The following POLR2I variants were observed in gnomAD, a reference collection of about 807,000 sequenced individuals.
POLR2I encodes the protein DNA-directed RNA polymerase II subunit RPB9.
In POLR2I, 15 loss-of-function variants were observed where a neutral mutation model predicts 23.0. The observed-to-expected ratio is 0.65, with a 90% CI of 0.44 to 1.00. The LOEUF (loss-of-function observed/expected upper bound fraction) is 1.00, where lower values mean the gene tolerates loss of function less well. Among genes scored for constraint, POLR2I ranks in the 50% least tolerant of loss-of-function variants. The pLI, the probability that POLR2I is intolerant of heterozygous loss-of-function variation, is 0.00. For missense variants in POLR2I, 120 were observed against 173.7 expected, an observed-to-expected ratio of 0.69 and a Z score of 1.74; for synonymous variants, 72 against 65.4, an observed-to-expected ratio of 1.10 and a Z score of -0.49.
In POLR2I at chr19:36,114,214, G is replaced by A. The variant is rs769646346; in HGVS notation, c.226C>T (p.Pro76Ser). The change falls in exon 4 of 6, where the codon CCC (proline) becomes TCC (serine). Residue 76 changes from proline (P) to serine (S), a missense_variant. Pro to Ser is a moderately conservative substitution (Grantham distance 74, BLOSUM62 -1). Transcript: ENST00000221859. The surrounding 1 kb of genome is among the most constrained non-coding windows in gnomAD (Gnocchi z 4.5). ...TGGTCCTCGGTCCGCGGCAACGTGG[G>A]GTCCTGGGACACGTCGGCGATAATC... ...TQIIADVSQDPTLPRTEDHPC... is the reference protein window; with the variant it reads ...TQIIADVSQDSTLPRTEDHPC... The A allele has an allele frequency of 4.2e-5, 68 of 1,613,938 alleles. No individual in the cohort carries two copies. Among genetic ancestry groups the A allele is most frequent in the Non-Finnish European group, 5.4e-5 (64 of 1,180,000 alleles).
At position 36,114,080 on chromosome 19, in the gene POLR2I, G is replaced by A. The variant is rs199564247; in HGVS notation, c.264-14C>T. 1,057 of 1,613,942 alleles carry A rather than the reference G, an allele frequency of 6.5e-4. No individual in the cohort carries two copies. Among genetic ancestry groups the A allele is most frequent in the Admixed American group, 1.3e-3 (77 of 60,002 alleles). ...TTGTGGCCGCACCTGAGAGGGTAGG[G>A]GCTCGGTCACCGGAGGCTTCACACC... is the stretch of plus-strand genomic sequence containing the variant. On this transcript the variant is annotated splice_polypyrimidine_tract_variant and intron_variant, in intron 4 of 5. Transcript: ENST00000221859. This position sits in a 1 kb window ranked among gnomAD's most constrained non-coding sequence, Gnocchi z 4.5.
Position 36,114,184 on chromosome 19 carries a change from A to G in POLR2I, c.256T>C (p.Cys86Arg). 1.2e-6 allele frequency: 2 copies of G among 1,614,042 alleles called. No homozygotes were observed. Among genetic ancestry groups the G allele is most frequent in the Non-Finnish European group, 1.7e-6 (2 of 1,179,994 alleles). Reference sequence around the variant, plus strand: ...TACCAGCTGAACGCTCACTTTTGGCACGGGTGGTCCTCGGTCCGCGGCAAC... The same window carrying G: ...TACCAGCTGAACGCTCACTTTTGGCGCGGGTGGTCCTCGGTCCGCGGCAAC... The part of the protein sequence containing the change: ...PTLPRTEDHP[C>R]QKCGHKEAVF... Residue 86 changes from cysteine (C) to arginine (R), a missense_variant, in exon 4 of 6, where the codon TGC becomes CGC. Physicochemically the swap from Cys to Arg is radical, Grantham distance 180. Transcript: ENST00000221859. The surrounding 1 kb of genome is among the most constrained non-coding windows in gnomAD (Gnocchi z 4.5).
Position 36,114,307 on chromosome 19 carries a change from C to G in POLR2I, c.188+32G>C. 1.2e-6 allele frequency: 2 copies of G among 1,612,588 alleles called. No homozygotes were observed. The highest frequency in any genetic ancestry group is 2.2e-5 in the East Asian group (1 of 44,826). On this transcript the variant is annotated intron_variant, in intron 3 of 5. Coordinates refer to ENST00000221859, the MANE Select transcript of POLR2I (RefSeq NM_006233.5). This position sits in a 1 kb window ranked among gnomAD's most constrained non-coding sequence, Gnocchi z 4.5. ...TCAGACCCAGCCTCCAGAGCCAACA[C>G]CCCCGCCCCCAGCTCAGGGCCCGCC... is the stretch of plus-strand genomic sequence containing the variant.
rs1181821475 is a variant in POLR2I, at chr19:36,114,156, C to T, written c.263+21G>A. The T allele has an allele frequency of 6.2e-7, 1 of 1,614,070 alleles. No individual in the cohort carries two copies. Among genetic ancestry groups the T allele is most frequent in the Non-Finnish European group, 8.5e-7 (1 of 1,179,930 alleles). ...GGAGACGAGCCTCACTTTACCTCCC[C>T]AGTACCAGCTGAACGCTCACTTTTG... On this transcript the variant is annotated intron_variant, in intron 4 of 5. Transcript: ENST00000221859. This position sits in a 1 kb window ranked among gnomAD's most constrained non-coding sequence, Gnocchi z 4.5.
rs767086932 is a variant in POLR2I at position 36,114,865 on chromosome 19, G to C, written c.-9C>G. The C allele has an allele frequency of 6.2e-7, 1 of 1,612,396 alleles. No homozygotes were observed. The highest frequency in any genetic ancestry group is 8.5e-7 in the Non-Finnish European group (1 of 1,179,580). On this transcript the variant is annotated 5_prime_UTR_variant, in exon 1 of 6. Coordinates refer to ENST00000221859, the MANE Select transcript of POLR2I (RefSeq NM_006233.5). The surrounding 1 kb of genome is among the most constrained non-coding windows in gnomAD (Gnocchi z 4.5). Reference sequence around the variant, plus strand: ...GTCCCGTCGGGCTCCATGGCGACGCGCAGCCCGCGCAGCCCTCCCAGCCTT... The same window carrying C: ...GTCCCGTCGGGCTCCATGGCGACGCCCAGCCCGCGCAGCCCTCCCAGCCTT...
rs113237625 is a variant in POLR2I, at chr19:36,114,658, C to T, written c.114+1G>A. Reference sequence around the variant, plus strand: ...CTGCCGGGGAAGACCCCGGCGCTCACCGCGTAGAGCAGAATGCGGTTCTCC... The same window carrying T: ...CTGCCGGGGAAGACCCCGGCGCTCATCGCGTAGAGCAGAATGCGGTTCTCC... On this transcript the variant is annotated splice_donor_variant, in intron 2 of 5. Transcript: ENST00000221859. LOFTEE classifies it high-confidence loss of function. This position sits in a 1 kb window ranked among gnomAD's most constrained non-coding sequence, Gnocchi z 4.5. 2 of 1,605,506 alleles carry T rather than the reference C, an allele frequency of 1.2e-6. No homozygotes were observed. Among genetic ancestry groups the T allele is most frequent in the Non-Finnish European group, 1.7e-6 (2 of 1,173,186 alleles).
chr19:36,113,947 T>G, intron 5 of POLR2I, 68 bp downstream of exon 5: 1 of 1,589,598 alleles, frequency 6.3e-7, no homozygotes, highest in Non-Finnish European at 8.6e-7. Context: ...GTCACCCACA[T>G]TGATATCCCC....
chr19:36,113,973 C>G, intron 5 of POLR2I, 42 bp downstream of exon 5: 4 of 1,609,494 alleles, frequency 2.5e-6, no homozygotes, highest in Non-Finnish European at 2.6e-6. Flanking sequence ...CAGAAAGGAC[C>G]AAACAAGCCC....
rs375775148 is a variant in POLR2I at position 36,114,737 on chromosome 19, G to A, written c.60-24C>T. 22 of 1,613,458 alleles carry A rather than the reference G, an allele frequency of 1.4e-5. No individual in the cohort carries two copies. The highest frequency in any genetic ancestry group is 1.9e-5 in the Non-Finnish European group (22 of 1,179,508). ...TACTGTGGGGAGGGGGAGGTGCCAGGGGTTAGTTCTGGAGCCATTCCTCGC... is the reference window on the plus strand; with the variant it reads ...TACTGTGGGGAGGGGGAGGTGCCAGAGGTTAGTTCTGGAGCCATTCCTCGC... On this transcript the variant is annotated intron_variant, in intron 1 of 5. Coordinates refer to ENST00000221859, the MANE Select transcript of POLR2I (RefSeq NM_006233.5). This position sits in a 1 kb window ranked among gnomAD's most constrained non-coding sequence, Gnocchi z 4.5.
Position 36,114,347 on chromosome 19 carries a change from G to C in POLR2I, c.180C>G (p.His60Gln). 6.2e-7 allele frequency: 1 copy of C among 1,614,012 alleles called. No individual in the cohort carries two copies. The highest frequency in any genetic ancestry group is 8.5e-7 in the Non-Finnish European group (1 of 1,179,916). The change falls in exon 3 of 6, where the codon CAC (histidine) becomes CAG (glutamine). Residue 60 changes from histidine (H) to glutamine (Q), a missense_variant. Physicochemically the swap from His to Gln is conservative, Grantham distance 24. Coordinates refer to ENST00000221859, the MANE Select transcript of POLR2I (RefSeq NM_006233.5). This position sits in a 1 kb window ranked among gnomAD's most constrained non-coding sequence, Gnocchi z 4.5. ...NSCIYVNKIT[H>Q]EVDELTQIIA... ...CAGGGCCCGCCACTCACTCCACTTC[G>C]TGCGTGATCTTGTTGACATAGATGC...
chr19:36,114,347 G>A lies in POLR2I; in HGVS notation c.180C>T (p.His60=), dbSNP rs146133484. The change falls in exon 3 of 6, where the codon CAC becomes CAT. Residue 60 remains histidine (H), a synonymous_variant. Coordinates refer to ENST00000221859, the MANE Select transcript of POLR2I (RefSeq NM_006233.5). This position sits in a 1 kb window ranked among gnomAD's most constrained non-coding sequence, Gnocchi z 4.5. ...CAGGGCCCGCCACTCACTCCACTTC[G>A]TGCGTGATCTTGTTGACATAGATGC... is the stretch of plus-strand genomic sequence containing the variant. ...NSCIYVNKIT[H]EVDELTQIIA... 13 of 1,613,894 alleles carry A rather than the reference G, an allele frequency of 8.1e-6. No homozygotes were observed. Among genetic ancestry groups the A allele is most frequent in the Non-Finnish European group, 6.8e-6 (8 of 1,179,924 alleles).
At position 36,114,435 on chromosome 19, in the gene POLR2I, G is replaced by A. The variant is rs944757532; in HGVS notation, c.115-23C>T. 1.2e-6 allele frequency: 2 copies of A among 1,609,086 alleles called. No homozygotes were observed. Among genetic ancestry groups the A allele is most frequent in the South Asian group, 2.2e-5 (2 of 90,972 alleles). Reference sequence around the variant, plus strand: ...GCACTACGAGAGGGCGAGTGTGGGGGAAAGGGGGTCACGGAAGGATTCCAG... The same window carrying A: ...GCACTACGAGAGGGCGAGTGTGGGGAAAAGGGGGTCACGGAAGGATTCCAG... On this transcript the variant is annotated intron_variant, in intron 2 of 5. Transcript: ENST00000221859. The surrounding 1 kb of genome is among the most constrained non-coding windows in gnomAD (Gnocchi z 4.5).
rs1599861002 is a variant in POLR2I at position 36,114,768 on chromosome 19, T to C, written c.59+30A>G. 1.2e-6 allele frequency: 2 copies of C among 1,613,940 alleles called. No individual in the cohort carries two copies. The highest frequency in any genetic ancestry group is 1.3e-5 in the African/African-American group (1 of 74,928). On this transcript the variant is annotated intron_variant, in intron 1 of 5. Coordinates refer to ENST00000221859, the MANE Select transcript of POLR2I (RefSeq NM_006233.5). The surrounding 1 kb of genome is among the most constrained non-coding windows in gnomAD (Gnocchi z 4.5). ...GTTCTGGAGCCATTCCTCGCCCGCC[T>C]TCTAACATCACCCGCTCCCTCCGCC...
rs1394556651 is a variant in POLR2I at position 36,114,129 on chromosome 19, G to T, written c.263+48C>A. ...CCCTTCCCTCCTCCCTTCGCCCAGT[G>T]AGGAGACGAGCCTCACTTTACCTCC... On this transcript the variant is annotated intron_variant, in intron 4 of 5. Coordinates refer to ENST00000221859, the MANE Select transcript of POLR2I (RefSeq NM_006233.5). This position sits in a 1 kb window ranked among gnomAD's most constrained non-coding sequence, Gnocchi z 4.5. 6.2e-7 allele frequency: 1 copy of T among 1,613,482 alleles called. No homozygotes were observed. Among genetic ancestry groups the T allele is most frequent in the East Asian group, 2.2e-5 (1 of 44,892 alleles).
At chr19:36,113,949 G>A in intron 5 of POLR2I, 66 bp downstream of exon 5, 1 of 1,588,964 alleles carries the variant, frequency 6.3e-7, no homozygotes, top group Non-Finnish European at 8.6e-7. Context: ...CACCCACATT[G>A]ATATCCCCGC....
Position 36,114,521 on chromosome 19 carries a change from G to A in POLR2I, c.115-109C>T, listed in dbSNP as rs1045037312. On this transcript the variant is annotated intron_variant, in intron 2 of 5. Transcript: ENST00000221859. This position sits in a 1 kb window ranked among gnomAD's most constrained non-coding sequence, Gnocchi z 4.5. The stretch of plus-strand genomic sequence containing the variant: ...GGATATGACGACAGGACTCTCTTTG[G>A]GGATGGGCAGGACATGAGAGTCAGG... 2 of 1,304,426 alleles carry A rather than the reference G, an allele frequency of 1.5e-6. No homozygotes were observed. The highest frequency in any genetic ancestry group is 3.5e-5 in the Admixed American group (2 of 56,908). The allele number at this position is 1,304,426 out of a possible 1,614,324, so 80.8% of individuals were successfully genotyped here. A position where few individuals can be genotyped will look rare whatever the true frequency, so the allele number is the denominator to read the frequency against.
In POLR2I at chr19:36,114,602, C is replaced by T. The variant is rs760561784; in HGVS notation, c.114+57G>A. On this transcript the variant is annotated intron_variant, in intron 2 of 5. Coordinates refer to ENST00000221859, the MANE Select transcript of POLR2I (RefSeq NM_006233.5). The surrounding 1 kb of genome is among the most constrained non-coding windows in gnomAD (Gnocchi z 4.5). ...GGAGTCCGATCACAGAGGCAGGGGG[C>T]AGGGCGGGGCCACGCTGGGAACAGG... 4 of 1,517,866 alleles carry T rather than the reference C, an allele frequency of 2.6e-6. No individual in the cohort carries two copies. Among genetic ancestry groups the T allele is most frequent in the East Asian group, 2.3e-5 (1 of 44,204 alleles). The allele number at this position is 1,517,866 out of a possible 1,614,324, so 94.0% of individuals were successfully genotyped here.
At position 36,114,821 on chromosome 19, in the gene POLR2I, C is replaced by T. The variant is rs1973913709; in HGVS notation, c.36G>A (p.Val12=). The T allele has an allele frequency of 6.2e-7, 1 of 1,614,068 alleles. No homozygotes were observed. The highest frequency in any genetic ancestry group is 1.7e-5 in the Admixed American group (1 of 60,014). The change falls in exon 1 of 6, where the codon GTG becomes GTA. Residue 12 remains valine, a synonymous_variant. Transcript: ENST00000221859. This position sits in a 1 kb window ranked among gnomAD's most constrained non-coding sequence, Gnocchi z 4.5. ...ACCATTCCTGGCAGAAGCGAATACC[C>T]ACGAAGCCCGGCTCGTAAGTCCCGT... The part of the protein sequence containing the change: ...EPDGTYEPGF[V]GIRFCQECNN...
chr19:36,113,977 C>T, intron 5 of POLR2I, 38 bp downstream of exon 5: 1 of 1,610,888 alleles, frequency 6.2e-7, no homozygotes, highest in African/African-American at 1.3e-5. Context: ...AAGGACCAAA[C>T]AAGCCCCAGA....
Sources: allele counts gnomAD v4.1 joint callset, GRCh38; gene constraint gnomAD v4.1.1; non-coding constraint Gnocchi (gnomAD v3.1); transcripts MANE v1.5; gene names NCBI Gene and HGNC (gene_info 2026-07-23, HGNC 2026-07-21).